Variants in EBF1 observed in about 807,000 individuals in gnomAD.
EBF1 encodes EBF transcription factor 1.
A neutral mutation model predicts 68.4 loss-of-function variants in EBF1; 10 were observed. The observed-to-expected ratio is 0.15, with a 90% confidence interval of 0.09 to 0.25. The LOEUF is 0.25. Among genes scored for constraint, EBF1 ranks in the 10% least tolerant of loss-of-function variants. The pLI, the probability that EBF1 is intolerant of heterozygous loss-of-function variation, is 1.00. For missense variants in EBF1, 509 were observed against 794.4 expected (o/e 0.64, Z 4.32); for synonymous variants, 298 against 299.8 (o/e 0.99, Z 0.06).
At chr5:159,066,285 C>A (rs1417185068) in intron 6 of EBF1, among the ~76,000 whole-genome samples, 2 of 152,092 alleles carry the variant, frequency 1.3e-5, no homozygotes, top group African/African-American at 4.8e-5. Context: ...GTATAGTTAC[C>A]AAGTGCCATT....
At chr5:158,856,416 T>G (rs1272393005) in intron 6 of EBF1, among the ~76,000 whole-genome samples, 1 of 152,232 alleles carries the variant, frequency 6.6e-6, no homozygotes, top group Non-Finnish European at 1.5e-5. Flanking sequence ...TGGGATTTTA[T>G]GTATGTTTCC....
At chr5:158,968,790 T>A (rs1158918310) in intron 6 of EBF1, among the ~76,000 whole-genome samples, 2 of 152,172 alleles carry the variant, frequency 1.3e-5, no homozygotes, top group African/African-American at 4.8e-5. Context: ...TCAACACTAA[T>A]AGCTATGTAT....
chr5:158,734,995 C>A (rs1323654357), intron 10 of EBF1, among the ~76,000 whole-genome samples: 2 of 152,044 alleles, frequency 1.3e-5, no homozygotes, highest in South Asian at 4.2e-4. Context: ...TAAAATGGGG[C>A]CAATGTATGC....
At chr5:158,775,787 C>CACAG (rs1775065480) in intron 10 of EBF1, among the ~76,000 whole-genome samples, 1 of 32,702 alleles carries the variant, frequency 3.1e-5, no homozygotes, top group Admixed American at 3.4e-4. Context: ...CACACAGACA[C>CACAG]ACACACACAC....
chr5:158,796,693 A>G (rs1376541132), intron 8 of EBF1, among the ~76,000 whole-genome samples: 1 of 152,238 alleles, frequency 6.6e-6, no homozygotes, highest in African/African-American at 2.4e-5. Flanking sequence ...ATTAAGATAC[A>G]TATATTTTAC....
rs187692582 is a variant in EBF1 at position 158,985,377 on chromosome 5, A to C, written c.554+88019T>G. Among the ~76,000 whole-genome samples, 76 of 152,322 alleles carry C rather than the reference A, an allele frequency of 5.0e-4. No homozygotes were observed. In the East Asian group the frequency reaches 0.014, roughly 27 times the overall value. The stretch of plus-strand genomic sequence containing the variant: ...CCTGACTGCACACTACAATCACCTG[A>C]GGAACTTTTAGAAAATGCCAGTGTT... On this transcript the variant is annotated intron_variant, in intron 6 of 15. Coordinates refer to ENST00000313708, the MANE Select transcript of EBF1 (RefSeq NM_024007.5).
At chr5:158,710,431 C>T (rs17056109) in intron 14 of EBF1, among the ~76,000 whole-genome samples, 10,791 of 152,010 alleles carry the variant, frequency 0.071, 801 homozygotes, top group East Asian at 0.43. Flanking sequence ...AGGTCATGAT[C>T]GAAACATTTT....
At chr5:159,059,936 T>A (rs1775486203) in intron 6 of EBF1, among the ~76,000 whole-genome samples, 1 of 152,232 alleles carries the variant, frequency 6.6e-6, no homozygotes, top group Non-Finnish European at 1.5e-5. Context: ...GCCTCCACAC[T>A]GCTGTTGAGG....
chr5:159,068,094 A>G (rs1446761432), intron 6 of EBF1, among the ~76,000 whole-genome samples: 1 of 152,144 alleles, frequency 6.6e-6, no homozygotes, highest in Non-Finnish European at 1.5e-5. Flanking sequence ...CCTTCTAAAA[A>G]CTGGATGAAG....
intron 10 of EBF1, among the ~76,000 whole-genome samples, chr5:158,767,558 T>G (rs990185836): frequency 3.9e-5 from 6 of 151,988 alleles, no homozygotes; most frequent in African/African-American, 4.8e-5. Context: ...ACCTGAGTTT[T>G]TTGGTGTTAA....
chr5:158,882,493 T>C (rs1242066927), intron 6 of EBF1, among the ~76,000 whole-genome samples: 1 of 152,124 alleles, frequency 6.6e-6, no homozygotes, highest in Non-Finnish European at 1.5e-5. Context: ...CCTGGAACAT[T>C]TACAGACCCA....
chr5:158,811,261 G>T (rs1782600927), intron 8 of EBF1, among the ~76,000 whole-genome samples: 1 of 152,112 alleles, frequency 6.6e-6, no homozygotes, highest in African/African-American at 2.4e-5. Flanking sequence ...TTGGGATTTA[G>T]CATAGATCTG....
chr5:158,701,361 TAA>T (rs35952631), intron 15 of EBF1, among the ~76,000 whole-genome samples: 406 of 147,516 alleles, frequency 2.8e-3, no homozygotes, highest in Admixed American at 5.7e-3. Context: ...TGGCCAGAAT[TAA>T]AAAAAAAAAA....
intron 6 of EBF1, among the ~76,000 whole-genome samples, chr5:159,036,291 T>C (rs957459620): frequency 2.0e-5 from 3 of 152,028 alleles, no homozygotes; most frequent in Non-Finnish European, 4.4e-5. Flanking sequence ...CTTCACAGAA[T>C]TGGAAAAAAC....
chr5:158,719,710 C>T (rs1293301114), intron 11 of EBF1, among the ~76,000 whole-genome samples: 2 of 152,116 alleles, frequency 1.3e-5, no homozygotes, highest in African/African-American at 4.8e-5. Flanking sequence ...TTGTTCATAG[C>T]ACATATAGGC....
chr5:158,890,079 C>G (rs540081856), intron 6 of EBF1, among the ~76,000 whole-genome samples: 3 of 152,188 alleles, frequency 2.0e-5, no homozygotes, highest in Admixed American at 1.3e-4. Flanking sequence ...CCCACAGATA[C>G]GGAAGGACAA....
At chr5:158,717,664 T>A (rs536678499) in intron 11 of EBF1, among the ~76,000 whole-genome samples, 3 of 152,052 alleles carry the variant, frequency 2.0e-5, no homozygotes, top group African/African-American at 7.2e-5. Context: ...TTTTGGGAAT[T>A]AAAGACAAAT....
chr5:158,740,823 A>G (rs1426805520), intron 10 of EBF1, among the ~76,000 whole-genome samples: 3 of 152,186 alleles, frequency 2.0e-5, no homozygotes, highest in African/African-American at 7.2e-5. Context: ...ATTATACTCT[A>G]GAACACTTTT....
At chr5:159,000,372 C>T (rs1028338945) in intron 6 of EBF1, among the ~76,000 whole-genome samples, 1 of 151,862 alleles carries the variant, frequency 6.6e-6, no homozygotes, top group African/African-American at 2.4e-5. Context: ...CACTGCATAC[C>T]AAAAAGTACA....
Sources: allele counts gnomAD v4.1 joint callset (sites outside exome capture counted in the v4.1 genomes callset), GRCh38; gene constraint gnomAD v4.1.1; transcripts MANE v1.5; gene names NCBI Gene and HGNC (gene_info 2026-07-23, HGNC 2026-07-21).